MAP1B: variants seen among roughly 807,000 people sequenced by gnomAD.
MAP1B encodes the protein microtubule-associated protein 1B.
Under a neutral mutation model 176.1 loss-of-function variants are expected in MAP1B, and 12 were observed. The observed-to-expected ratio is 0.07, with a 90% CI of 0.04 to 0.11. The LOEUF (loss-of-function observed/expected upper bound fraction) is 0.11. Ranked by LOEUF, MAP1B falls within the 10% of genes least tolerant of loss-of-function variation. MAP1B has a pLI of 1.00. For synonymous variants in MAP1B, 1,044 were observed against 1,135.0 expected (o/e 0.92, Z 1.61); for missense variants, 2,523 against 2,990.5 (o/e 0.84, Z 3.65).
At chr5:72,173,355 C>G (rs960149389) in intron 2 of MAP1B, among the ~76,000 whole-genome samples, 3 of 152,212 alleles carry the variant, frequency 2.0e-5, no homozygotes, top group Non-Finnish European at 4.4e-5. Flanking sequence ...ATGTTTTAAT[C>G]TCAGTGCTCA....
At chr5:72,124,882 A>G (rs1382246497) in intron 2 of MAP1B, among the ~76,000 whole-genome samples, 2 of 152,204 alleles carry the variant, frequency 1.3e-5, no homozygotes, top group Admixed American at 6.5e-5. Flanking sequence ...ACTGCTCTAC[A>G]TAGATGTGGC....
intron 2 of MAP1B, chr5:72,179,999 T>C: frequency 3.3e-6 from 3 of 906,678 alleles, no homozygotes; most frequent in Non-Finnish European, 4.0e-6. Context: ...AGAAGGCTCC[T>C]GCCAGGGGCC....
chr5:72,184,040 T>C (rs1255086697), intron 3 of MAP1B, among the ~76,000 whole-genome samples: 1 of 152,216 alleles, frequency 6.6e-6, no homozygotes, highest in Non-Finnish European at 1.5e-5. Flanking sequence ...AAGAAGATAG[T>C]AGCTGGAACT....
intron 2 of MAP1B, among the ~76,000 whole-genome samples, chr5:72,119,784 G>A (rs1745494122): frequency 6.6e-6 from 1 of 152,080 alleles, no homozygotes; most frequent in South Asian, 2.1e-4. Context: ...TGGGATTATA[G>A]GTGTGAGCCA....
chr5:72,109,857 A>G (rs1327664375), intron 1 of MAP1B, among the ~76,000 whole-genome samples: 4 of 152,222 alleles, frequency 2.6e-5, no homozygotes, highest in African/African-American at 9.6e-5. Context: ...ATGGTTCAGC[A>G]ATCACCTTCG....
At chr5:72,173,029 C>T (rs768441227) in intron 2 of MAP1B, among the ~76,000 whole-genome samples, 4 of 152,186 alleles carry the variant, frequency 2.6e-5, no homozygotes, top group East Asian at 1.9e-4. Context: ...ATCCCAGTTC[C>T]GCTACTAACT....
chr5:72,194,411 T>A lies in MAP1B; in HGVS notation c.1056T>A (p.Pro352=). Residue 352 remains proline, a synonymous_variant, in exon 5 of 7, where the codon CCT becomes CCA. Transcript: ENST00000296755. The surrounding 1 kb of genome is among the most constrained non-coding windows in gnomAD (Gnocchi z 7.2). ...ACTGGATGAAAAACCTCATCTCCCC[T>A]GACTTAGGAGTTGTATTTCTCAATG... ...NSDWMKNLIS[P]DLGVVFLNVP... is the part of the protein sequence containing the mutation. 1 of 1,614,150 alleles carries A rather than the reference T, an allele frequency of 6.2e-7. No individual in the cohort carries two copies. Among genetic ancestry groups the A allele is most frequent in the Non-Finnish European group, 8.5e-7 (1 of 1,180,034 alleles).
chr5:72,195,326 G>C lies in MAP1B; in HGVS notation c.1971G>C (p.Lys657Asn). The C allele has an allele frequency of 6.2e-6, 10 of 1,605,526 alleles. No homozygotes were observed. The highest frequency in any genetic ancestry group is 8.5e-6 in the Non-Finnish European group (10 of 1,176,972). ...EDKKEEKEKP[K>N]KEVAKKEDKT... The stretch of plus-strand genomic sequence containing the variant: ...AGAAAGAGGAGAAAGAAAAGCCAAA[G>C]AAAGAAGTGGCTAAAAAGGAGGACA... The change falls in exon 5 of 7, where the codon AAG becomes AAC. Residue 657 changes from lysine to asparagine, a missense_variant. By Grantham distance (94) the Lys-to-Asn change is moderately conservative (BLOSUM62 0). Coordinates refer to ENST00000296755, the MANE Select transcript of MAP1B (RefSeq NM_005909.5).
intron 2 of MAP1B, among the ~76,000 whole-genome samples, chr5:72,122,694 A>G (rs1579983271): frequency 1.3e-5 from 2 of 150,020 alleles, no homozygotes; most frequent in Non-Finnish European, 3.0e-5. Flanking sequence ...GCTGACTGTA[A>G]TGGCTCTCAC....
At position 72,160,160 on chromosome 5, in the gene MAP1B, G is replaced by A. The variant is rs1043930472; in HGVS notation, c.287-23583G>A. The stretch of plus-strand genomic sequence containing the variant: ...GGAATCAGAAGGTAGGAGGGAGGAT[G>A]TTATTATGGATCAGGGACCGAGAAT... On this transcript the variant is annotated intron_variant, in intron 2 of 6. Transcript: ENST00000296755. Among the ~76,000 whole-genome samples the A allele has an allele frequency of 7.3e-5, 11 of 149,860 alleles. No individual in the cohort carries two copies. The East Asian group carries it at 1.8e-3, about 24-fold the overall frequency.
chr5:72,114,335 G>T (rs2112118432), intron 1 of MAP1B, among the ~76,000 whole-genome samples: 1 of 152,246 alleles, frequency 6.6e-6, no homozygotes, highest in South Asian at 2.1e-4. Context: ...GTGTATTTAA[G>T]TAACACACTG....
At chr5:72,177,136 C>CTT in intron 2 of MAP1B, among the ~76,000 whole-genome samples, 1 of 152,270 alleles carries the variant, frequency 6.6e-6, no homozygotes, top group East Asian at 1.9e-4. Flanking sequence ...TCTCACCCTG[C>CTT]TTTGGGATCA....
chr5:72,199,473 T>A lies in MAP1B; in HGVS notation c.6118T>A (p.Tyr2040Asn), dbSNP rs909716453. 9.3e-6 allele frequency: 15 copies of A among 1,614,134 alleles called. No individual in the cohort carries two copies. Among genetic ancestry groups the A allele is most frequent in the Non-Finnish European group, 1.2e-5 (14 of 1,180,018 alleles). Residue 2040 changes from tyrosine (Y) to asparagine (N), a missense_variant, in exon 5 of 7, where the codon TAC becomes AAC. Physicochemically the swap from Tyr to Asn is moderately radical, Grantham distance 143 (BLOSUM62 -2). Transcript: ENST00000296755. This position sits in a 1 kb window ranked among gnomAD's most constrained non-coding sequence, Gnocchi z 4.2. Reference protein sequence around the residue: ...KTTRTPDTSTYCYETAEKITR... With the variant: ...KTTRTPDTSTNCYETAEKITR... ...AACACGAACCCCTGATACTTCCACA[T>A]ACTGTTACGAGACTGCAGAGAAAAT...
At chr5:72,179,994 G>C (rs746306842) in intron 2 of MAP1B, 141 of 940,224 alleles carry the variant, frequency 1.5e-4, no homozygotes, top group Middle Eastern at 5.4e-4. Context: ...TGGTAAGAAG[G>C]CTCCTGCCAG....
chr5:72,140,533 T>G (rs1745929053), intron 2 of MAP1B, among the ~76,000 whole-genome samples: 1 of 152,188 alleles, frequency 6.6e-6, no homozygotes, highest in Non-Finnish European at 1.5e-5. Context: ...AACAGCTGCA[T>G]GTCCTGACAA....
chr5:72,176,315 C>T (rs1047156511), intron 2 of MAP1B, among the ~76,000 whole-genome samples: 1 of 152,180 alleles, frequency 6.6e-6, no homozygotes, highest in African/African-American at 2.4e-5. Flanking sequence ...GGCATCACAG[C>T]TTGAAAATCT....
intron 1 of MAP1B, among the ~76,000 whole-genome samples, chr5:72,112,345 G>C (rs1251277866): frequency 3.3e-5 from 5 of 152,100 alleles, no homozygotes; most frequent in Non-Finnish European, 7.4e-5. Context: ...CTTTTAAATG[G>C]GAGGTGCTTT....
chr5:72,123,642 G>T (rs1413254114), intron 2 of MAP1B, among the ~76,000 whole-genome samples: 4 of 151,916 alleles, frequency 2.6e-5, no homozygotes, highest in Non-Finnish European at 5.9e-5. Flanking sequence ...CCGCCACGAC[G>T]CCCGGCTAAT....
chr5:72,205,010 C>G (rs753542024), intron 6 of MAP1B, 74 bp from the exon 7 acceptor site: 7 of 1,227,218 alleles, frequency 5.7e-6, no homozygotes, highest in Non-Finnish European at 6.9e-6. Flanking sequence ...GGTCTAATAC[C>G]TTGCTATTCA....
Sources: gnomAD v4.1 joint callset for allele counts (sites outside exome capture counted in the v4.1 genomes callset) on GRCh38, gnomAD v4.1.1 for gene constraint, Gnocchi (gnomAD v3.1) non-coding constraint, MANE v1.5 for transcripts, NCBI Gene and HGNC (gene_info 2026-07-23, HGNC 2026-07-21) for gene names.